The following SSUH2 variants were observed in gnomAD, a reference collection of about 807,000 sequenced individuals.
The protein encoded by SSUH2 is protein SSUH2 homolog.
Under a neutral mutation model 55.3 loss-of-function variants are expected in SSUH2, and 47 were observed. The observed-to-expected ratio is 0.85, with a 90% CI of 0.67 to 1.08. The LOEUF is 1.08. Ranked by LOEUF, SSUH2 falls within the 50% of genes least tolerant of loss-of-function variation. The pLI, the probability that SSUH2 is intolerant of heterozygous loss-of-function variation, is 0.00. For missense variants in SSUH2, 535 were observed against 490.7 expected (o/e 1.09, Z -0.85); for synonymous variants, 212 against 191.5 (o/e 1.11, Z -0.89).
intron 7 of SSUH2, among the ~76,000 whole-genome samples, chr3:8,655,612 C>T (rs1559494758): frequency 6.6e-6 from 1 of 152,238 alleles, no homozygotes; most frequent in African/African-American, 2.4e-5. Flanking sequence ...CTATCTATTT[C>T]ATCCCTCTGA....
chr3:8,627,761 C>A lies in SSUH2; in HGVS notation c.611G>T (p.Gly204Val). The change falls in exon 8 of 12, where the codon GGA becomes GTA. Residue 204 changes from glycine to valine, a missense_variant. Physicochemically the swap from Gly to Val is moderately radical, Grantham distance 109. Transcript: ENST00000544814. ...AGTVRCPSCCGAKRKAKQSRR... is the reference protein window; with the variant it reads ...AGTVRCPSCCVAKRKAKQSRR... ...GGACTGCTTGGCTTTGCGCTTGGCT[C>A]CGCAGCAGGATGGGCACCGCACCTG... The A allele has an allele frequency of 6.2e-7, 1 of 1,610,286 alleles. No individual in the cohort carries two copies. The highest frequency in any genetic ancestry group is 1.1e-5 in the South Asian group (1 of 90,682).
At position 8,619,630 on chromosome 3, in the gene SSUH2, G is replaced by T. The variant is rs556417397; in HGVS notation, c.*238C>A. The T allele has an allele frequency of 7.7e-4, 307 of 397,912 alleles. 1 individual carries two copies. The highest frequency in any genetic ancestry group is 5.6e-3 in the African/African-American group (273 of 48,564). 24.6% of individuals were successfully genotyped at this position (397,912 alleles called of 1,614,324 possible). A position where few individuals can be genotyped will look rare whatever the true frequency, so the allele number is the denominator to read the frequency against. The stretch of plus-strand genomic sequence containing the variant: ...GCCATTTAAATTATTTCTCTCATTT[G>T]TTCTACAGGAATGTGTATAGCTGAA... On this transcript the variant is annotated 3_prime_UTR_variant, in exon 12 of 12. Transcript: ENST00000544814.
chr3:8,680,545 G>A (rs1421223323), intron 1 of SSUH2, among the ~76,000 whole-genome samples: 1 of 152,070 alleles, frequency 6.6e-6, no homozygotes, highest in Non-Finnish European at 1.5e-5. Flanking sequence ...GATATCGTGT[G>A]TTATATCCTC....
intron 5 of SSUH2, among the ~76,000 whole-genome samples, chr3:8,664,399 C>A (rs1303839403): frequency 2.0e-5 from 3 of 152,240 alleles, no homozygotes; most frequent in African/African-American, 7.2e-5. Context: ...AGCCCCACAG[C>A]CCACACAGTC....
At position 8,634,923 on chromosome 3, in the gene SSUH2, G is replaced by A. The variant is rs1174683519; in HGVS notation, c.209+377C>T. ...ACATAGTGATATTTGAGGTTTCGTA[G>A]CCCACATAGTCTCTGTCTCAATTAC... On this transcript the variant is annotated intron_variant, in intron 3 of 11. Coordinates refer to ENST00000544814, the MANE Select transcript of SSUH2 (RefSeq NM_001256748.3). 3.9e-5 allele frequency among the ~76,000 whole-genome samples: 6 copies of A among 152,216 alleles called. No individual in the cohort carries two copies. The East Asian group carries it at 1.2e-3, about 29-fold the overall frequency.
chr3:8,624,249 GCTCCTTC>G, intron 10 of SSUH2, among the ~76,000 whole-genome samples: 1 of 152,304 alleles, frequency 6.6e-6, no homozygotes, highest in East Asian at 1.9e-4. Context: ...TGGAACTGTG[GCTCCTTC>G]CTCCACCCTC....
At chr3:8,676,941 T>C (rs1385296506) in intron 3 of SSUH2, among the ~76,000 whole-genome samples, 5 of 106,416 alleles carry the variant, frequency 4.7e-5, no homozygotes, top group Non-Finnish European at 7.7e-5. Flanking sequence ...ACCCCCATAG[T>C]ACGGGGGGAA....
intron 7 of SSUH2, among the ~76,000 whole-genome samples, chr3:8,629,094 C>A (rs1212453341): frequency 6.6e-6 from 1 of 152,166 alleles, no homozygotes; most frequent in Non-Finnish European, 1.5e-5. Context: ...CTCTTGACCT[C>A]GTGATCTGCC....
chr3:8,634,627 G>A (rs918880026), intron 3 of SSUH2: 19 of 1,265,072 alleles, frequency 1.5e-5, no homozygotes, highest in Admixed American at 6.9e-5. Flanking sequence ...ATGACTCCCC[G>A]GAGGAAGCAG....
chr3:8,635,814 G>C lies in SSUH2; in HGVS notation c.72C>G (p.Pro24=). The C allele has an allele frequency of 6.5e-7, 1 of 1,536,042 alleles. No homozygotes were observed. Among genetic ancestry groups the C allele is most frequent in the Middle Eastern group, 1.7e-4 (1 of 5,990 alleles). ...GCAGTCTCTCCAGGAGCTCTGTGGG[G>C]GGCGCCAGAGGACTCTCGGCCTCAA... The part of the protein sequence containing the change: ...LSFEAESPLA[P]PTELLERLPS... The change falls in exon 2 of 12, where the codon CCC becomes CCG. Residue 24 remains proline, a synonymous_variant. Coordinates refer to ENST00000544814, the MANE Select transcript of SSUH2 (RefSeq NM_001256748.3).
intron 6 of SSUH2, among the ~76,000 whole-genome samples, chr3:8,661,991 A>G (rs1442842388): frequency 6.6e-6 from 1 of 152,078 alleles, no homozygotes; most frequent in Admixed American, 6.5e-5. Flanking sequence ...TTCCATGTAA[A>G]ACGTGCCTTT....
At position 8,630,935 on chromosome 3, in the gene SSUH2, A is replaced by G; in HGVS notation, c.401-6T>C. ...CGGCCCATCCACAGAGTGGTCTGAC[A>G]CAGAAAGGGGTCATTGTAAGAATGA... On this transcript the variant is annotated splice_region_variant and splice_polypyrimidine_tract_variant and intron_variant, in intron 5 of 11. Transcript: ENST00000544814. The G allele has an allele frequency of 7.1e-7, 1 of 1,410,748 alleles. No homozygotes were observed. Among genetic ancestry groups the G allele is most frequent in the East Asian group, 2.7e-5 (1 of 36,932 alleles). 87.4% of individuals were successfully genotyped at this position (1,410,748 alleles called of 1,614,324 possible).
At position 8,630,798 on chromosome 3, in the gene SSUH2, G is replaced by C; in HGVS notation, c.525+7C>G. 3 of 1,416,776 alleles carry C rather than the reference G, an allele frequency of 2.1e-6. No individual in the cohort carries two copies. Among genetic ancestry groups the C allele is most frequent in the South Asian group, 3.5e-5 (2 of 56,622 alleles). 87.8% of individuals were successfully genotyped at this position (1,416,776 alleles called of 1,614,324 possible). On this transcript the variant is annotated splice_region_variant and intron_variant, in intron 6 of 11. Coordinates refer to ENST00000544814, the MANE Select transcript of SSUH2 (RefSeq NM_001256748.3). The stretch of plus-strand genomic sequence containing the variant: ...AAGTATTCCAGTAATCGCGTTAATC[G>C]TATTACCTTGACCAGTGACGAGTGA...
chr3:8,636,945 G>A (rs77762719), intron 1 of SSUH2, among the ~76,000 whole-genome samples: 4 of 152,270 alleles, frequency 2.6e-5, no homozygotes, highest in East Asian at 3.9e-4. Context: ...ACCTAGACTC[G>A]TCTGACTCCA....
chr3:8,647,279 G>A (rs1052144042), upstream of SSUH2, among the ~76,000 whole-genome samples: 1 of 152,246 alleles, frequency 6.6e-6, no homozygotes, highest in Non-Finnish European at 1.5e-5. Context: ...CCATGCGCAG[G>A]CATGCGGAGA....
intron 5 of SSUH2, among the ~76,000 whole-genome samples, chr3:8,631,730 G>A (rs371837236): frequency 6.6e-6 from 1 of 152,098 alleles, no homozygotes; most frequent in African/African-American, 2.4e-5. Flanking sequence ...GGTGGCATGA[G>A]GGGGTGTAGG....
At chr3:8,681,442 C>T (rs1416096775) in intron 1 of SSUH2, among the ~76,000 whole-genome samples, 56 of 151,046 alleles carry the variant, frequency 3.7e-4, no homozygotes, top group African/African-American at 1.3e-3. Context: ...GAGCCAGCCC[C>T]TCTTCCCCCA....
intron 4 of SSUH2, chr3:8,671,811 C>G (rs1704604000): frequency 6.6e-6 from 1 of 151,266 alleles, no homozygotes; most frequent in Non-Finnish European, 1.5e-5. Flanking sequence ...CCCCCCTCTC[C>G]CCACCTGGAT....
intron 1 of SSUH2, among the ~76,000 whole-genome samples, chr3:8,636,767 A>C (rs1200018239): frequency 6.6e-6 from 1 of 152,180 alleles, no homozygotes; most frequent in Non-Finnish European, 1.5e-5. Flanking sequence ...GGTATCTTCA[A>C]GAAACCCCTT....
Sources: gnomAD v4.1 joint callset for allele counts (sites outside exome capture counted in the v4.1 genomes callset) on GRCh38, gnomAD v4.1.1 for gene constraint, MANE v1.5 for transcripts, NCBI Gene and HGNC (gene_info 2026-07-23, HGNC 2026-07-21) for gene names.